Variants in TSPAN12 observed in about 807,000 individuals in gnomAD.
TSPAN12 encodes the protein tetraspanin 12.
A neutral mutation model predicts 39.2 loss-of-function variants in TSPAN12; 19 were observed. That is an observed-to-expected ratio of 0.49 (90% CI 0.34 to 0.71). The LOEUF is 0.71. Ranked by LOEUF, TSPAN12 falls within the 30% of genes least tolerant of loss-of-function variation. TSPAN12 has a pLI of 0.01. For synonymous variants in TSPAN12, 119 were observed against 124.8 expected (o/e 0.95, Z 0.31); for missense variants, 314 against 359.9 (o/e 0.87, Z 1.03).
chr7:120,850,991 A>C (rs1336049434), intron 2 of TSPAN12, among the ~76,000 whole-genome samples: 1 of 152,194 alleles, frequency 6.6e-6, no homozygotes, highest in Non-Finnish European at 1.5e-5. Flanking sequence ...CGTCCGGCTG[A>C]CTAAAGGAAT....
rs749979191 is a variant in TSPAN12, at chr7:120,856,813, C to T, written c.-50G>A. The T allele has an allele frequency of 6.2e-7, 1 of 1,605,090 alleles. No individual in the cohort carries two copies. The highest frequency in any genetic ancestry group is 1.1e-5 in the South Asian group (1 of 90,874). The stretch of plus-strand genomic sequence containing the variant: ...CCATCCTTTCACCACATCCTACTCC[C>T]AAGGGCAAAACGGCAGCGATCTGCA... On this transcript the variant is annotated 5_prime_UTR_variant, in exon 2 of 8. Coordinates refer to ENST00000222747, the MANE Select transcript of TSPAN12 (RefSeq NM_012338.4).
At chr7:120,792,058 T>C (rs1309121957) in intron 7 of TSPAN12, among the ~76,000 whole-genome samples, 2 of 152,208 alleles carry the variant, frequency 1.3e-5, no homozygotes, top group Admixed American at 6.5e-5. Flanking sequence ...GGAGCGTTTA[T>C]TCACGAAAAG....
chr7:120,836,105 A>G (rs1421867993), intron 4 of TSPAN12, among the ~76,000 whole-genome samples: 1 of 152,200 alleles, frequency 6.6e-6, no homozygotes, highest in Admixed American at 6.5e-5. Context: ...AGGAGGACAG[A>G]AAAGAGAGGA....
In TSPAN12 at chr7:120,788,881, A is replaced by G; in HGVS notation, c.629T>C (p.Met210Thr). ...DLYQEGCGKK[M>T]YSFLRGTKQL... Reference sequence around the variant, plus strand: ...TTTGGTTCCTCTCAAAAAGGAATACATTTTCTTCCCACAACCCTGTAAAAG... The same window carrying G: ...TTTGGTTCCTCTCAAAAAGGAATACGTTTTCTTCCCACAACCCTGTAAAAG... Residue 210 changes from methionine (M) to threonine (T), a missense_variant, in exon 8 of 8, where the codon ATG becomes ACG. Met to Thr is a moderately conservative substitution (Grantham distance 81). Transcript: ENST00000222747. 2 of 1,614,096 alleles carry G rather than the reference A, an allele frequency of 1.2e-6. No homozygotes were observed. Among genetic ancestry groups the G allele is most frequent in the Non-Finnish European group, 1.7e-6 (2 of 1,180,002 alleles).
intron 2 of TSPAN12, among the ~76,000 whole-genome samples, chr7:120,847,160 T>C (rs1794684945): frequency 6.6e-6 from 1 of 151,798 alleles, no homozygotes. Context: ...CAGCTTGAAC[T>C]TTCCTATGCC....
At chr7:120,810,938 G>A in intron 5 of TSPAN12, among the ~76,000 whole-genome samples, 1 of 152,150 alleles carries the variant, frequency 6.6e-6, no homozygotes, top group East Asian at 1.9e-4. Flanking sequence ...TCCTTCATTT[G>A]ATTTCAAAAT....
chr7:120,795,822 C>T (rs992028252), intron 7 of TSPAN12, among the ~76,000 whole-genome samples: 18 of 152,056 alleles, frequency 1.2e-4, no homozygotes, highest in Non-Finnish European at 1.5e-5. Context: ...GGAAATAATG[C>T]TTCCTTTAAA....
In TSPAN12 at chr7:120,802,798, G is replaced by A. The variant is rs561764368; in HGVS notation, c.612+3751C>T. On this transcript the variant is annotated intron_variant, in intron 7 of 7. Transcript: ENST00000222747. ...TTATTATGGATATTTGAAGAGCTGT[G>A]TGCCAAACCTAACAAGGCTCCTGAA... Among the ~76,000 whole-genome samples the A allele has an allele frequency of 6.6e-5, 10 of 152,292 alleles. No homozygotes were observed. In the East Asian group the frequency reaches 1.9e-3, roughly 29 times the overall value.
At chr7:120,789,025 G>C in intron 7 of TSPAN12, 128 bp from the exon 8 acceptor site, 1 of 966,304 alleles carries the variant, frequency 1.0e-6, no homozygotes, top group Non-Finnish European at 1.6e-6. Context: ...GTTTAAGACA[G>C]TGGTTCTCAG....
intron 2 of TSPAN12, among the ~76,000 whole-genome samples, chr7:120,842,258 C>T (rs1794592036): frequency 6.6e-6 from 1 of 152,030 alleles, no homozygotes; most frequent in Non-Finnish European, 1.5e-5. Context: ...TGGCTATCTG[C>T]TTGGAAAATC....
Position 120,853,493 on chromosome 7 carries a change from T to TATATATATAC in TSPAN12, c.66+3204_66+3205insGTATATATAT, listed in dbSNP as rs10639551. 1.5e-3 allele frequency among the ~76,000 whole-genome samples: 218 copies of TATATATATAC among 145,914 alleles called. 1 individual carries two copies. Among genetic ancestry groups the TATATATATAC allele is most frequent in the Non-Finnish European group, 1.7e-3 (112 of 66,896 alleles). The stretch of plus-strand genomic sequence containing the variant: ...GCAGATATATATATATATATATATA[T>TATATATATAC]ACACACACATATTTATATTTAGACA... On this transcript the variant is annotated intron_variant, in intron 2 of 7. Coordinates refer to ENST00000222747, the MANE Select transcript of TSPAN12 (RefSeq NM_012338.4).
intron 4 of TSPAN12, among the ~76,000 whole-genome samples, chr7:120,837,201 A>G (rs1376437792): frequency 1.3e-5 from 2 of 152,248 alleles, no homozygotes; most frequent in Admixed American, 6.5e-5. Flanking sequence ...AAATTGCAAA[A>G]TAAGATCCCA....
At chr7:120,794,944 C>T (rs939177326) in intron 7 of TSPAN12, among the ~76,000 whole-genome samples, 1 of 152,132 alleles carries the variant, frequency 6.6e-6, no homozygotes. Context: ...AATAATTATG[C>T]ATAAGGTTTA....
chr7:120,798,709 T>C (rs1033089627), intron 7 of TSPAN12, among the ~76,000 whole-genome samples: 1 of 152,212 alleles, frequency 6.6e-6, no homozygotes, highest in Admixed American at 6.5e-5. Flanking sequence ...ATCCAATCCC[T>C]GCCTTCGGTA....
intron 7 of TSPAN12, among the ~76,000 whole-genome samples, chr7:120,789,258 A>G (rs997028481): frequency 3.3e-5 from 5 of 152,162 alleles, no homozygotes; most frequent in Admixed American, 1.3e-4. Context: ...TATGGTCTCT[A>G]TGGCAACTAC....
intron 4 of TSPAN12, among the ~76,000 whole-genome samples, chr7:120,830,038 A>C (rs1794361993): frequency 6.6e-6 from 1 of 152,170 alleles, no homozygotes; most frequent in Non-Finnish European, 1.5e-5. Context: ...ATCTGCTGAC[A>C]TACTTTCATG....
In TSPAN12 at chr7:120,857,925, C is replaced by T. The variant is rs1043628826; in HGVS notation, c.-176G>A. The stretch of plus-strand genomic sequence containing the variant: ...TTCTTCGCGGAGAGCCGGAGGGCTG[C>T]ATTGGCTTCAGCTGGAGACGCTTCT... On this transcript the variant is annotated 5_prime_UTR_variant, in exon 1 of 8. An upstream start codon of the reference 5' UTR is lost. Coordinates refer to ENST00000222747, the MANE Select transcript of TSPAN12 (RefSeq NM_012338.4). The T allele has an allele frequency of 2.6e-5, 4 of 152,510 alleles. No individual in the cohort carries two copies. The highest frequency in any genetic ancestry group is 5.8e-5 in the Non-Finnish European group (4 of 68,414). The allele number at this position is 152,510 out of a possible 1,614,324, so 9.4% of individuals were successfully genotyped here. A position where few individuals can be genotyped will look rare whatever the true frequency, so the allele number is the denominator to read the frequency against.
rs138105702 is a variant in TSPAN12, at chr7:120,838,497, T to G, written c.285+280A>C. 7.6e-4 allele frequency among the ~76,000 whole-genome samples: 116 copies of G among 152,226 alleles called. 1 individual carries two copies. The East Asian group carries it at 0.02, about 26-fold the overall frequency. ...TCCAGTCCCAAGGGGCCTTTTTGAG[T>G]GCTAATAACTACAAGGACACTAGAA... On this transcript the variant is annotated intron_variant, in intron 4 of 7. Coordinates refer to ENST00000222747, the MANE Select transcript of TSPAN12 (RefSeq NM_012338.4).
At chr7:120,835,506 A>T (rs1478948545) in intron 4 of TSPAN12, among the ~76,000 whole-genome samples, 2 of 152,212 alleles carry the variant, frequency 1.3e-5, no homozygotes, top group Non-Finnish European at 2.9e-5. Context: ...CCATGGCCTG[A>T]ATATTAGATC....
Sources: gnomAD v4.1 joint callset for allele counts (sites outside exome capture counted in the v4.1 genomes callset) on GRCh38, gnomAD v4.1.1 for gene constraint, MANE v1.5 for transcripts, NCBI Gene and HGNC (gene_info 2026-07-23, HGNC 2026-07-21) for gene names.